Variants in C12orf42 observed in about 807,000 individuals in gnomAD.
C12orf42 encodes uncharacterized protein C12orf42.
Under a neutral mutation model 21.6 loss-of-function variants are expected in C12orf42, and 25 were observed. The ratio of observed to expected loss-of-function variants is 1.16; its 90% CI spans 0.84 to 1.62. The LOEUF (loss-of-function observed/expected upper bound fraction) is 1.62. Among genes scored for constraint, C12orf42 ranks in the 40% most tolerant of loss-of-function variants. The probability of loss-of-function intolerance (pLI) is 0.00; values close to 1 mark genes in which losing one functional copy is unlikely to be tolerated. For synonymous variants in C12orf42, 174 were observed against 175.0 expected, an observed-to-expected ratio of 0.99 and a Z score of 0.05; for missense variants, 483 against 459.3, an observed-to-expected ratio of 1.05 and a Z score of -0.47.
At chr12:103,334,442 G>T (rs1364312373) in intron 4 of C12orf42, among the ~76,000 whole-genome samples, 1 of 152,012 alleles carries the variant, frequency 6.6e-6, no homozygotes, top group Non-Finnish European at 1.5e-5. Context: ...CCAAAACCAA[G>T]GAATCTCTTT....
chr12:103,110,329 C>T, the C12orf42 span, among the ~76,000 whole-genome samples: 28 of 152,258 alleles, frequency 1.8e-4, no homozygotes, highest in East Asian at 5.4e-3. Context: ...TATATAAATT[C>T]TCAAAACACA....
At chr12:103,160,108 G>A in the C12orf42 span, among the ~76,000 whole-genome samples, 10 of 152,122 alleles carry the variant, frequency 6.6e-5, no homozygotes, top group East Asian at 1.9e-4. Context: ...TGAGCATTGC[G>A]CTTTCCTTGC....
chr12:103,202,074 T>C, the C12orf42 span, among the ~76,000 whole-genome samples: 1 of 152,170 alleles, frequency 6.6e-6, no homozygotes, highest in African/African-American at 2.4e-5. Flanking sequence ...AACCACAGAC[T>C]CTGGGAATCC....
At chr12:103,484,282 T>C (rs547263186) in intron 1 of C12orf42, among the ~76,000 whole-genome samples, 1 of 152,328 alleles carries the variant, frequency 6.6e-6, no homozygotes, top group African/African-American at 2.4e-5. Flanking sequence ...CCACAAACAG[T>C]GTAAAAGCTT....
At chr12:103,501,154 T>C in the C12orf42 span, among the ~76,000 whole-genome samples, 2 of 152,210 alleles carry the variant, frequency 1.3e-5, no homozygotes, top group Non-Finnish European at 2.9e-5. Flanking sequence ...ATCATCCCTG[T>C]GGGCCGATGG....
chr12:103,298,083 C>T (rs1369327805), downstream of C12orf42, among the ~76,000 whole-genome samples: 3 of 151,848 alleles, frequency 2.0e-5, no homozygotes, highest in African/African-American at 4.9e-5. Context: ...CTATTCAACA[C>T]AGTGTTGGAA....
the C12orf42 span, among the ~76,000 whole-genome samples, chr12:103,076,735 T>C: frequency 6.6e-6 from 1 of 152,358 alleles, no homozygotes; most frequent in East Asian, 1.9e-4. Flanking sequence ...AATGTATATA[T>C]AGCATTCACC....
the C12orf42 span, among the ~76,000 whole-genome samples, chr12:103,126,200 G>A: frequency 1.3e-5 from 2 of 152,162 alleles, no homozygotes; most frequent in Non-Finnish European, 2.9e-5. Context: ...CAGGAAACTG[G>A]ATCAAAACAA....
At chr12:103,265,424 C>A (rs1390039120), downstream of C12orf42, among the ~76,000 whole-genome samples, 1 of 152,110 alleles carries the variant, frequency 6.6e-6, no homozygotes, top group East Asian at 1.9e-4. Context: ...TTATAGAAAA[C>A]TGCTTTACCT....
upstream of C12orf42, among the ~76,000 whole-genome samples, chr12:103,496,961 A>C (rs1317741299): frequency 6.6e-6 from 1 of 152,198 alleles, no homozygotes. Context: ...TTAAAAAAAA[A>C]AGTAAGTTTG....
At chr12:103,478,573 AC>A in intron 1 of C12orf42, 126 bp from the exon 2 acceptor site, 1 of 432,770 alleles carries the variant, frequency 2.3e-6, no homozygotes. Flanking sequence ...CTTGCCAGTG[AC>A]TTTCAATAAT....
chr12:103,486,730 T>C (rs919797836), intron 1 of C12orf42, among the ~76,000 whole-genome samples: 3 of 152,216 alleles, frequency 2.0e-5, no homozygotes, highest in Non-Finnish European at 4.4e-5. Flanking sequence ...TCTTCTAGAT[T>C]TTCTAGCTTA....
the C12orf42 span, among the ~76,000 whole-genome samples, chr12:103,145,604 C>G: frequency 1.1e-4 from 16 of 152,174 alleles, no homozygotes; most frequent in African/African-American, 3.6e-4. Flanking sequence ...CATCCTCTAA[C>G]TTATTAACAT....
intron 10 of C12orf42, among the ~76,000 whole-genome samples, chr12:103,240,434 G>A (rs2033679838): frequency 6.6e-6 from 1 of 152,130 alleles, no homozygotes; most frequent in South Asian, 2.1e-4. Flanking sequence ...CATGATGCTG[G>A]GCATTTGAGG....
At chr12:103,109,387 G>A in the C12orf42 span, among the ~76,000 whole-genome samples, 3 of 151,998 alleles carry the variant, frequency 2.0e-5, no homozygotes, top group African/African-American at 7.2e-5. Context: ...GCCAGAGCCT[G>A]TGTAAAACTG....
At chr12:103,384,365 T>C (rs1035393613) in intron 3 of C12orf42, among the ~76,000 whole-genome samples, 2 of 152,206 alleles carry the variant, frequency 1.3e-5, no homozygotes, top group Non-Finnish European at 2.9e-5. Context: ...CCAGCATTCA[T>C]TCAACACAAT....
chr12:103,179,687 A>G, the C12orf42 span, among the ~76,000 whole-genome samples: 1 of 152,254 alleles, frequency 6.6e-6, no homozygotes, highest in East Asian at 1.9e-4. Flanking sequence ...TGAGGGGATC[A>G]GATCTAAATT....
At chr12:103,232,732 C>A (rs943443550), downstream of C12orf42, among the ~76,000 whole-genome samples, 2 of 139,408 alleles carry the variant, frequency 1.4e-5, no homozygotes, top group African/African-American at 5.4e-5. Context: ...AAAAAAAGTT[C>A]TATAATTTTG....
At chr12:103,054,995 G>A in the C12orf42 span, among the ~76,000 whole-genome samples, 11 of 151,692 alleles carry the variant, frequency 7.3e-5, no homozygotes, top group Non-Finnish European at 1.0e-4. Context: ...AGATTTTTGC[G>A]TCTATATTCA....
Sources: gnomAD v4.1 joint callset for allele counts (sites outside exome capture counted in the v4.1 genomes callset) on GRCh38, gnomAD v4.1.1 for gene constraint, MANE v1.5 for transcripts, NCBI Gene and HGNC (gene_info 2026-07-23, HGNC 2026-07-21) for gene names.